PRR16: variants seen among roughly 807,000 people sequenced by gnomAD.
The protein encoded by PRR16 is protein Largen.
PRR16 carries 6 observed loss-of-function variants against 18.2 expected under a neutral mutation model. The observed-to-expected ratio is 0.33, with a 90% CI of 0.18 to 0.65. The LOEUF (loss-of-function observed/expected upper bound fraction) is 0.65. PRR16 is among the 30% of genes least tolerant of loss of function. PRR16 has a pLI of 0.74. For missense variants in PRR16, 412 were observed against 376.6 expected, an observed-to-expected ratio of 1.09 and a Z score of -0.78; for synonymous variants, 151 against 147.8, an observed-to-expected ratio of 1.02 and a Z score of -0.16.
the PRR16 span, among the ~76,000 whole-genome samples, chr5:120,712,961 T>C: frequency 1.7e-3 from 257 of 152,242 alleles, no homozygotes; most frequent in Non-Finnish European, 3.2e-3. Context: ...ACCTAGCATA[T>C]ACGTATATGA....
chr5:120,491,823 C>A (rs901993421), intron 1 of PRR16, among the ~76,000 whole-genome samples: 2 of 152,114 alleles, frequency 1.3e-5, no homozygotes, highest in Non-Finnish European at 2.9e-5. Flanking sequence ...AGATTACAGG[C>A]GTGATCCACT....
chr5:120,526,307 T>G (rs1580686739), intron 1 of PRR16, among the ~76,000 whole-genome samples: 1 of 152,210 alleles, frequency 6.6e-6, no homozygotes, highest in South Asian at 2.1e-4. Flanking sequence ...AATTAGGGCA[T>G]CTTAGCCTCT....
In PRR16 at chr5:120,500,321, G is replaced by T. The variant is rs1477698032; in HGVS notation, c.159+35676G>T. 2.0e-5 allele frequency among the ~76,000 whole-genome samples: 3 copies of T among 151,722 alleles called. 1 individual carries two copies. The highest frequency in any genetic ancestry group is 4.1e-4 in the South Asian group (2 of 4,820). On this transcript the variant is annotated intron_variant, in intron 1 of 1. Transcript: ENST00000407149. Reference sequence around the variant, plus strand: ...GGGAACTCACCATCTCTTTTTTTTGGCTGGGGATTGGTTCTTGAAGTCCCT... The same window carrying T: ...GGGAACTCACCATCTCTTTTTTTTGTCTGGGGATTGGTTCTTGAAGTCCCT...
the PRR16 span, among the ~76,000 whole-genome samples, chr5:120,764,138 A>G: frequency 6.7e-6 from 1 of 150,316 alleles, no homozygotes; most frequent in Non-Finnish European, 1.5e-5. Context: ...GTCTTGTTTT[A>G]GTTCTTAGAG....
At chr5:120,527,303 T>G (rs555495853) in intron 1 of PRR16, among the ~76,000 whole-genome samples, 1 of 152,292 alleles carries the variant, frequency 6.6e-6, no homozygotes, top group Admixed American at 6.5e-5. Context: ...ATTCGTGTGG[T>G]TAGTGTTTTC....
the PRR16 span, among the ~76,000 whole-genome samples, chr5:120,740,385 C>G: frequency 4.1e-5 from 6 of 147,346 alleles, no homozygotes; most frequent in Admixed American, 2.7e-4. Flanking sequence ...CTAAAAAAGA[C>G]TACTTCCATG....
At chr5:120,507,562 A>G (rs1193931113) in intron 1 of PRR16, among the ~76,000 whole-genome samples, 4 of 152,140 alleles carry the variant, frequency 2.6e-5, no homozygotes, top group Non-Finnish European at 5.9e-5. Flanking sequence ...AACGATGACA[A>G]AATGTTGGAC....
the PRR16 span, among the ~76,000 whole-genome samples, chr5:120,750,167 C>T: frequency 6.6e-6 from 1 of 151,996 alleles, no homozygotes; most frequent in Non-Finnish European, 1.5e-5. Context: ...AAGCTGTTAA[C>T]TGACTGGTAA....
chr5:120,705,078 T>TAAA, the PRR16 span, among the ~76,000 whole-genome samples: 30 of 147,134 alleles, frequency 2.0e-4, no homozygotes, highest in African/African-American at 6.9e-4. Context: ...ATGTCCATTG[T>TAAA]AAAAAAAAAA....
chr5:120,684,184 A>T (rs1394866099), intron 1 of PRR16, among the ~76,000 whole-genome samples: 3 of 152,222 alleles, frequency 2.0e-5, no homozygotes, highest in African/African-American at 7.2e-5. Context: ...TTGTGCTGTC[A>T]TTTGCTAAAA....
intron 1 of PRR16, among the ~76,000 whole-genome samples, chr5:120,650,637 G>A (rs1450113654): frequency 1.3e-5 from 2 of 152,006 alleles, no homozygotes; most frequent in Admixed American, 6.6e-5. Flanking sequence ...CTTCATCCAT[G>A]TCCCTACAAA....
chr5:120,762,825 T>TG, the PRR16 span, among the ~76,000 whole-genome samples: 1 of 152,192 alleles, frequency 6.6e-6, no homozygotes, highest in African/African-American at 2.4e-5. Context: ...TCTGTGCTTT[T>TG]GAGGTCTTAG....
Position 120,594,733 on chromosome 5 carries a change from C to G in PRR16, c.160-91221C>G, listed in dbSNP as rs142080788. Among the ~76,000 whole-genome samples, 515 of 152,192 alleles carry G rather than the reference C, an allele frequency of 3.4e-3. 8 individuals are homozygous for G. Among genetic ancestry groups the G allele is most frequent in the African/African-American group, 0.012 (492 of 41,528 alleles). On this transcript the variant is annotated intron_variant, in intron 1 of 1. Transcript: ENST00000407149. Reference sequence around the variant, plus strand: ...CACTATAGGGCTACAGTAGCCAAAACAGCATGGTACTTGTACAAACACGGA... The same window carrying G: ...CACTATAGGGCTACAGTAGCCAAAAGAGCATGGTACTTGTACAAACACGGA...
At chr5:120,468,366 ATTC>A (rs1301964164) in intron 1 of PRR16, among the ~76,000 whole-genome samples, 2 of 152,162 alleles carry the variant, frequency 1.3e-5, no homozygotes, top group African/African-American at 2.4e-5. Context: ...AAGATTTTGA[ATTC>A]TTCTTTTTCT....
chr5:120,773,837 A>C, the PRR16 span, among the ~76,000 whole-genome samples: 1 of 152,148 alleles, frequency 6.6e-6, no homozygotes, highest in Non-Finnish European at 1.5e-5. Flanking sequence ...TGATAAAGGC[A>C]GACTAAATGC....
At position 120,575,354 on chromosome 5, in the gene PRR16, C is replaced by CAT. The variant is rs397698033; in HGVS notation, c.160-110600_160-110599insAT. Among the ~76,000 whole-genome samples, 70 of 150,492 alleles carry CAT rather than the reference C, an allele frequency of 4.7e-4. 1 individual carries two copies. In the East Asian group the frequency reaches 9.3e-3, roughly 20 times the overall value. Reference sequence around the variant, plus strand: ...ACACACACACACACACACACACACACGAAAACTACCAGCCAATATCTCTGA... The same window carrying CAT: ...ACACACACACACACACACACACACACATGAAAACTACCAGCCAATATCTCTGA... On this transcript the variant is annotated intron_variant, in intron 1 of 1. Transcript: ENST00000407149.
chr5:120,637,333 A>C (rs987916273), intron 1 of PRR16, among the ~76,000 whole-genome samples: 10 of 150,562 alleles, frequency 6.6e-5, no homozygotes, highest in Middle Eastern at 3.4e-3. Flanking sequence ...AAAAAAAAAA[A>C]AAAAAAAAAA....
chr5:120,503,637 A>G (rs1442281483), intron 1 of PRR16, among the ~76,000 whole-genome samples: 1 of 152,096 alleles, frequency 6.6e-6, no homozygotes, highest in East Asian at 1.9e-4. Flanking sequence ...TGTTGGAGGC[A>G]GTGATTTTTT....
chr5:120,657,333 T>G (rs1287165058), intron 1 of PRR16, among the ~76,000 whole-genome samples: 1 of 151,924 alleles, frequency 6.6e-6, no homozygotes, highest in Non-Finnish European at 1.5e-5. Context: ...GAAGAATGAC[T>G]CTTGTGCAGT....
Sources: allele counts gnomAD v4.1 joint callset (sites outside exome capture counted in the v4.1 genomes callset), GRCh38; gene constraint gnomAD v4.1.1; transcripts MANE v1.5; gene names NCBI Gene and HGNC (gene_info 2026-07-23, HGNC 2026-07-21).